PYGB: variants seen among roughly 807,000 people sequenced by gnomAD.
PYGB encodes glycogen phosphorylase, brain form.
PYGB carries 82 observed loss-of-function variants against 94.3 expected under a neutral mutation model. The observed-to-expected ratio is 0.87, with a 90% CI of 0.73 to 1.04. The LOEUF (loss-of-function observed/expected upper bound fraction) is 1.04. PYGB is among the 50% of genes least tolerant of loss of function. The probability of loss-of-function intolerance (pLI) is 0.00; values close to 1 mark genes in which losing one functional copy is unlikely to be tolerated. For synonymous variants in PYGB, 488 were observed against 479.1 expected (o/e 1.02, Z -0.24); for missense variants, 1,132 against 1,158.2 (o/e 0.98, Z 0.33).
At chr20:25,282,288 GGCTGAGCCCCTGAACATGGGC>G in intron 12 of PYGB, 141 bp downstream of exon 12, 1 of 702,946 alleles carries the variant, frequency 1.4e-6, no homozygotes, top group Non-Finnish European at 2.3e-6. Flanking sequence ...TGGACATGAG[GGCTGAGCCCCTGAACATGGGC>G]GCTGAGCTGG....
At chr20:25,283,303 C>T (rs201405905) in intron 13 of PYGB, 26 bp downstream of exon 13, 107 of 1,586,678 alleles carry the variant, frequency 6.7e-5, no homozygotes, top group Middle Eastern at 1.7e-4. Flanking sequence ...GCCCCAGCCC[C>T]GACCCCAGCC....
intron 9 of PYGB, 21 bp downstream of exon 9, chr20:25,279,170 C>T (rs748304463): frequency 8.1e-6 from 13 of 1,609,620 alleles, no homozygotes; most frequent in Non-Finnish European, 1.0e-5. Flanking sequence ...AGGAAAAGGG[C>T]GGCACCTCCC....
Position 25,294,952 on chromosome 20 carries a change from C to T in PYGB, c.2313-652C>T, listed in dbSNP as rs369154739. 98 of 1,613,920 alleles carry T rather than the reference C, an allele frequency of 6.1e-5. No individual in the cohort carries two copies. In the African/African-American group the frequency reaches 7.7e-4, roughly 13 times the overall value. Reference sequence around the variant, plus strand: ...GTTTTGTCTGCTGCTCTTCGATGACCGTGTCACCTGTTGGCTTCAGTCACA... The same window carrying T: ...GTTTTGTCTGCTGCTCTTCGATGACTGTGTCACCTGTTGGCTTCAGTCACA... On this transcript the variant is annotated intron_variant, in intron 18 of 19. Coordinates refer to ENST00000216962, the MANE Select transcript of PYGB (RefSeq NM_002862.4).
chr20:25,279,766 T>G (rs1214789230), intron 9 of PYGB, among the ~76,000 whole-genome samples: 1 of 152,176 alleles, frequency 6.6e-6, no homozygotes, highest in African/African-American at 2.4e-5. Context: ...ACGATTTTTT[T>G]TAACTCCGTT....
Position 25,290,542 on chromosome 20 carries a change from T to A in PYGB, c.1889T>A (p.Val630Asp), listed in dbSNP as rs751149399. 2 of 1,611,826 alleles carry A rather than the reference T, an allele frequency of 1.2e-6. No individual in the cohort carries two copies. Among genetic ancestry groups the A allele is most frequent in the Non-Finnish European group, 1.7e-6 (2 of 1,177,986 alleles). ...IIKLVTSIGDVVNHDPVVGDR... is the reference protein window; with the variant it reads ...IIKLVTSIGDDVNHDPVVGDR... ...AAGTTGGTCACCTCCATCGGCGACG[T>A]CGTCAATCATGACCCAGTTGTGGGT... Residue 630 changes from valine (V) to aspartate (D), a missense_variant, in exon 16 of 20, where the codon GTC (valine) becomes GAC (aspartate). Coordinates refer to ENST00000216962, the MANE Select transcript of PYGB (RefSeq NM_002862.4).
At chr20:25,269,847 C>T (rs1243133409) in intron 3 of PYGB, among the ~76,000 whole-genome samples, 1 of 152,232 alleles carries the variant, frequency 6.6e-6, no homozygotes, top group Non-Finnish European at 1.5e-5. Context: ...GCCCCGAGAC[C>T]TGCTTCCTTT....
chr20:25,295,481 C>A, intron 18 of PYGB, 123 bp from the exon 19 acceptor site: 2 of 1,124,500 alleles, frequency 1.8e-6, no homozygotes, highest in Non-Finnish European at 2.7e-6. Context: ...CGTGGGTGGG[C>A]CCCTTCGCTC....
intron 2 of PYGB, among the ~76,000 whole-genome samples, chr20:25,265,074 CAG>C (rs1206339009): frequency 6.6e-6 from 1 of 152,208 alleles, no homozygotes; most frequent in Non-Finnish European, 1.5e-5. Context: ...GGTACCAAAA[CAG>C]AGATATAGAC....
intron 9 of PYGB, among the ~76,000 whole-genome samples, 175 bp downstream of exon 9, chr20:25,279,324 C>T (rs1046677104): frequency 7.2e-5 from 11 of 151,890 alleles, no homozygotes; most frequent in East Asian, 3.9e-4. Flanking sequence ...ACGGAGGTTC[C>T]GGGGGCCAGA....
At chr20:25,295,379 T>C (rs2088525253) in intron 18 of PYGB, among the ~76,000 whole-genome samples, 1 of 152,160 alleles carries the variant, frequency 6.6e-6, no homozygotes, top group South Asian at 2.1e-4. Flanking sequence ...TGAAATAAGG[T>C]TTTTCTAAAA....
intron 6 of PYGB, 67 bp downstream of exon 6, chr20:25,276,824 C>T (rs2088316383): frequency 5.5e-6 from 8 of 1,447,712 alleles, no homozygotes; most frequent in African/African-American, 2.8e-5. Context: ...CCCTCGCCCA[C>T]AGCCTTTACC....
chr20:25,280,446 C>G lies in PYGB; in HGVS notation c.1239+34C>G, dbSNP rs77447308. On this transcript the variant is annotated intron_variant, in intron 10 of 19. Transcript: ENST00000216962. Reference sequence around the variant, plus strand: ...GGGCCCAGCTGGCCGTGTAGGGTGGCGGCTACACCCATGCCAACGGCCCCC... The same window carrying G: ...GGGCCCAGCTGGCCGTGTAGGGTGGGGGCTACACCCATGCCAACGGCCCCC... The G allele has an allele frequency of 3.5e-5, 56 of 1,606,656 alleles. No homozygotes were observed. The Admixed American group carries it at 5.2e-4, about 15-fold the overall frequency.
At position 25,270,568 on chromosome 20, in the gene PYGB, G is replaced by A. The variant is rs141759181; in HGVS notation, c.425-815G>A. Among the ~76,000 whole-genome samples, 1,282 of 152,112 alleles carry A rather than the reference G, an allele frequency of 8.4e-3. 15 individuals are homozygous for A. The highest frequency in any genetic ancestry group is 0.027 in the African/African-American group (1,107 of 41,512). ...GCTGGAGTGCACTGGCACAATCTTG[G>A]CTCACTGCAGCCTCAACCTCTTGGG... On this transcript the variant is annotated intron_variant, in intron 3 of 19. Transcript: ENST00000216962.
intron 2 of PYGB, among the ~76,000 whole-genome samples, chr20:25,268,536 C>T (rs2088239370): frequency 6.6e-6 from 1 of 152,030 alleles, no homozygotes; most frequent in East Asian, 1.9e-4. Flanking sequence ...TTCAAATCAA[C>T]AAAAGCTCTT....
At chr20:25,260,180 T>G (rs2092910437) in intron 2 of PYGB, among the ~76,000 whole-genome samples, 1 of 152,244 alleles carries the variant, frequency 6.6e-6, no homozygotes, top group Non-Finnish European at 1.5e-5. Context: ...TGTTCGAAAT[T>G]AGCTAATGGT....
rs762381925 is a variant in PYGB at position 25,294,971 on chromosome 20, A to C, written c.2313-633A>C. 3.7e-6 allele frequency: 6 copies of C among 1,614,074 alleles called. No homozygotes were observed. In the African/African-American group the frequency reaches 5.3e-5, roughly 14 times the overall value. On this transcript the variant is annotated intron_variant, in intron 18 of 19. Transcript: ENST00000216962. ...GATGACCGTGTCACCTGTTGGCTTC[A>C]GTCACACCAGCTCTGACCACATGCT...
intron 1 of PYGB, among the ~76,000 whole-genome samples, chr20:25,249,308 G>T (rs1267674639): frequency 1.3e-5 from 2 of 152,212 alleles, no homozygotes; most frequent in African/African-American, 4.8e-5. Context: ...CAGGTCAATG[G>T]ATAGGATGGT....
intron 18 of PYGB, chr20:25,294,972 G>T: frequency 6.2e-7 from 1 of 1,614,184 alleles, no homozygotes; most frequent in Non-Finnish European, 8.5e-7. Flanking sequence ...GTTGGCTTCA[G>T]TCACACCAGC....
intron 9 of PYGB, 41 bp downstream of exon 9, chr20:25,279,190 G>A: frequency 6.3e-7 from 1 of 1,590,312 alleles, no homozygotes; most frequent in Non-Finnish European, 8.6e-7. Flanking sequence ...CCAGAGCCTG[G>A]AGCCCGTGCA....
Sources: gnomAD v4.1 joint callset for allele counts (sites outside exome capture counted in the v4.1 genomes callset) on GRCh38, gnomAD v4.1.1 for gene constraint, MANE v1.5 for transcripts, NCBI Gene and HGNC (gene_info 2026-07-23, HGNC 2026-07-21) for gene names.